The following ANK2 variants were observed in gnomAD, a reference collection of about 807,000 sequenced individuals.
The protein encoded by ANK2 is ankyrin-2.
A neutral mutation model predicts 360.5 loss-of-function variants in ANK2; 83 were observed. That is an observed-to-expected ratio of 0.23 (90% CI 0.19 to 0.28). The LOEUF (loss-of-function observed/expected upper bound fraction) is 0.28, where lower values mean the gene tolerates loss of function less well. Among genes scored for constraint, ANK2 ranks in the 10% least tolerant of loss-of-function variants. ANK2 has a pLI of 1.00. For missense variants in ANK2, 4,201 were observed against 4,795.7 expected (o/e 0.88, Z 3.66); for synonymous variants, 1,740 against 1,759.5 (o/e 0.99, Z 0.28).
chr4:113,102,430 T>C (rs1046058166), intron 1 of ANK2, among the ~76,000 whole-genome samples: 3 of 152,026 alleles, frequency 2.0e-5, no homozygotes, highest in African/African-American at 7.2e-5. Context: ...GAACCAGAGA[T>C]AGGAACTTTG....
chr4:113,015,675 A>G (rs918178673), intron 2 of ANK2, among the ~76,000 whole-genome samples: 7 of 152,242 alleles, frequency 4.6e-5, no homozygotes, highest in African/African-American at 1.7e-4. Context: ...ATTGTTACAT[A>G]TGGTGCCATT....
chr4:112,917,871 C>T lies in ANK2; in HGVS notation c.21+13357C>T, dbSNP rs2090354182. 2.0e-5 allele frequency among the ~76,000 whole-genome samples: 3 copies of T among 152,282 alleles called. 1 individual carries two copies. In the South Asian group the frequency reaches 6.2e-4, roughly 32 times the overall value. On this transcript the variant is annotated intron_variant, in intron 2 of 30. Coordinates refer to the ANK2 transcript ENST00000503271. ...TATGTGGGAACAAAATACTAGCCAA[C>T]AGGTTTTTACATAAGCACGAGACCA... is the stretch of plus-strand genomic sequence containing the variant.
chr4:113,246,643 A>C (rs1040396806), intron 9 of ANK2, among the ~76,000 whole-genome samples: 27 of 152,196 alleles, frequency 1.8e-4, no homozygotes, highest in Non-Finnish European at 3.4e-4. Context: ...GCAAACAATA[A>C]AAAGTGTACA....
At position 113,329,257 on chromosome 4, in the gene ANK2, A is replaced by G. The variant is rs566050501; in HGVS notation, c.2901-989A>G. Among the ~76,000 whole-genome samples, 726 of 152,324 alleles carry G rather than the reference A, an allele frequency of 4.8e-3. 6 individuals carry two copies. Among genetic ancestry groups the G allele is most frequent in the African/African-American group, 0.017 (698 of 41,564 alleles). ...ATACCAACCAAATGACAAGCATTCA[A>G]ATTAACCTGGATCAGGATCTGCTAA... On this transcript the variant is annotated intron_variant, in intron 26 of 45. Transcript: ENST00000357077.
At chr4:113,013,174 A>G (rs767321303) in intron 2 of ANK2, among the ~76,000 whole-genome samples, 1 of 152,162 alleles carries the variant, frequency 6.6e-6, no homozygotes, top group Non-Finnish European at 1.5e-5. Context: ...GATAGCCCCA[A>G]TGAACTGCGC....
At chr4:113,044,399 G>A (rs542525331) in intron 2 of ANK2, among the ~76,000 whole-genome samples, 20 of 152,224 alleles carry the variant, frequency 1.3e-4, no homozygotes, top group South Asian at 1.0e-3. Flanking sequence ...TCAACGTGGC[G>A]TACACTTCCA....
chr4:113,084,628 G>C (rs949190870), intron 1 of ANK2, among the ~76,000 whole-genome samples: 9 of 152,000 alleles, frequency 5.9e-5, no homozygotes, highest in Non-Finnish European at 1.3e-4. Context: ...TTTTCCCAAG[G>C]GTAAAAGGGG....
intron 2 of ANK2, among the ~76,000 whole-genome samples, chr4:113,027,073 C>A (rs2059434534): frequency 6.6e-6 from 1 of 152,092 alleles, no homozygotes. Context: ...ATGGGGAATA[C>A]CTGTGCATGC....
Position 113,354,789 on chromosome 4 carries a change from G to C in ANK2, c.6171G>C (p.Pro2057=). 6.2e-7 allele frequency: 1 copy of C among 1,614,004 alleles called. No homozygotes were observed. The highest frequency in any genetic ancestry group is 8.5e-7 in the Non-Finnish European group (1 of 1,179,936). ...NQTIKRGQRL[P]VTGTAESKRG... is the part of the protein sequence containing the mutation. ...CAATCAAACGAGGCCAGAGACTCCC[G>C]GTAACGGGCACAGCAGAATCCAAAA... Residue 2057 remains proline (P), a synonymous_variant, in exon 38 of 46, where the codon CCG becomes CCC. Transcript: ENST00000357077.
chr4:112,905,186 G>T (rs1252180835), intron 2 of ANK2, among the ~76,000 whole-genome samples: 1 of 152,118 alleles, frequency 6.6e-6, no homozygotes. Context: ...ACGAAATATT[G>T]TGAAAATCAT....
chr4:113,040,335 T>C (rs1414497184), intron 2 of ANK2, among the ~76,000 whole-genome samples: 1 of 152,082 alleles, frequency 6.6e-6, no homozygotes, highest in East Asian at 1.9e-4. Flanking sequence ...TTGTCTCAGG[T>C]GAAGTGAGGT....
intron 22 of ANK2, among the ~76,000 whole-genome samples, chr4:113,294,959 A>C (rs1356433177): frequency 1.3e-5 from 2 of 152,196 alleles, no homozygotes; most frequent in African/African-American, 4.8e-5. Context: ...TGTACATCAC[A>C]ATACGTGAAG....
rs540104689 is a variant in ANK2 at position 113,096,093 on chromosome 4, T to G, written c.84+46281T>G. On this transcript the variant is annotated intron_variant, in intron 1 of 45. Transcript: ENST00000357077. ...CCCGATTCTTCCTATAGGGTTCAAATATAAGGAGCACTCAGAAGCTGACCA... is the reference window on the plus strand; with the variant it reads ...CCCGATTCTTCCTATAGGGTTCAAAGATAAGGAGCACTCAGAAGCTGACCA... Among the ~76,000 whole-genome samples, 30 of 152,246 alleles carry G rather than the reference T, an allele frequency of 2.0e-4. 1 individual carries two copies. The South Asian group carries it at 4.4e-3, about 22-fold the overall frequency.
At chr4:113,157,658 T>C (rs367712192) in intron 1 of ANK2, among the ~76,000 whole-genome samples, 1 of 151,970 alleles carries the variant, frequency 6.6e-6, no homozygotes, top group Non-Finnish European at 1.5e-5. Flanking sequence ...AACATGAGAG[T>C]TGAGCCAGGA....
chr4:113,128,312 C>T (rs764809042), intron 1 of ANK2, among the ~76,000 whole-genome samples: 10 of 152,062 alleles, frequency 6.6e-5, no homozygotes, highest in East Asian at 5.8e-4. Context: ...CACACGTATA[C>T]GAAACAGAGT....
chr4:113,236,475 A>G (rs781409114), intron 5 of ANK2, among the ~76,000 whole-genome samples: 2 of 152,218 alleles, frequency 1.3e-5, no homozygotes, highest in Non-Finnish European at 2.9e-5. Context: ...TGTTCCCTAA[A>G]CTTCCAAAAT....
chr4:112,981,479 G>A (rs1346222696), intron 2 of ANK2, among the ~76,000 whole-genome samples: 1 of 152,202 alleles, frequency 6.6e-6, no homozygotes, highest in Non-Finnish European at 1.5e-5. Flanking sequence ...TGGAATGAAA[G>A]CGACCTTGCA....
chr4:112,786,869 C>T, the ANK2 span, among the ~76,000 whole-genome samples: 4 of 151,760 alleles, frequency 2.6e-5, no homozygotes, highest in African/African-American at 4.8e-5. Flanking sequence ...ATGTCTCAGC[C>T]TCCCGAGTAG....
At chr4:113,274,302 A>T in intron 14 of ANK2, 150 bp from the exon 15 acceptor site, 1 of 892,150 alleles carries the variant, frequency 1.1e-6, no homozygotes, top group African/African-American at 1.7e-5. Flanking sequence ...AGCAAAATAT[A>T]AAATATGCCA....
Sources: gnomAD v4.1 joint callset for allele counts (sites outside exome capture counted in the v4.1 genomes callset) on GRCh38, gnomAD v4.1.1 for gene constraint, MANE v1.5 for transcripts, NCBI Gene and HGNC (gene_info 2026-07-23, HGNC 2026-07-21) for gene names.